CHD1: variants seen among roughly 807,000 people sequenced by gnomAD.
CHD1 encodes the protein chromodomain helicase DNA binding protein 1.
Under a neutral mutation model 224.2 loss-of-function variants are expected in CHD1, and 36 were observed. The ratio of observed to expected loss-of-function variants is 0.16; its 90% CI spans 0.12 to 0.21. CHD1 has a LOEUF of 0.21. Among genes scored for constraint, CHD1 ranks in the 10% least tolerant of loss-of-function variants. The pLI is 1.00. For synonymous variants in CHD1, 668 were observed against 658.3 expected (o/e 1.01, Z -0.23); for missense variants, 1,378 against 1,994.8 (o/e 0.69, Z 5.89).
intron 12 of CHD1, 57 bp from the exon 13 acceptor site, chr5:98,894,743 T>A: frequency 1.4e-6 from 1 of 700,204 alleles, no homozygotes. Flanking sequence ...ATTATACTTT[T>A]ACTTACATAT....
At chr5:98,876,187 G>A (rs781766792) in intron 24 of CHD1, among the ~76,000 whole-genome samples, 14 of 152,158 alleles carry the variant, frequency 9.2e-5, no homozygotes, top group African/African-American at 3.4e-4. Context: ...GCAGTTTAGC[G>A]ATAAATAAAT....
At position 98,918,310 on chromosome 5, in the gene CHD1, C is replaced by T. The variant is rs954903326; in HGVS notation, c.53+8024G>A. Among the ~76,000 whole-genome samples, 5 of 151,550 alleles carry T rather than the reference C, an allele frequency of 3.3e-5. No homozygotes were observed. The South Asian group carries it at 6.3e-4, about 19-fold the overall frequency. ...TCCTGACCTTGTGATCCACCCGACT[C>T]GGCCTCCCAAAAGTGCTGGGATTAC... On this transcript the variant is annotated intron_variant, in intron 2 of 35. Coordinates refer to ENST00000614616, the MANE Select transcript of CHD1 (RefSeq NM_001270.4).
chr5:98,857,311 T>C lies in CHD1; in HGVS notation c.4788-586A>G, dbSNP rs375759692. Among the ~76,000 whole-genome samples the C allele has an allele frequency of 7.9e-5, 12 of 152,242 alleles. No individual in the cohort carries two copies. The East Asian group carries it at 1.9e-3, about 24-fold the overall frequency. On this transcript the variant is annotated intron_variant, in intron 35 of 35. Transcript: ENST00000614616. The stretch of plus-strand genomic sequence containing the variant: ...TGGCAGTTTAATGAGAATTATTCTC[T>C]AAAATGAGTGCCTTTTCCAAACTGA...
Position 98,854,488 on chromosome 5 carries a change from A to G in CHD1, c.*1892T>C, listed in dbSNP as rs191714851. 7.9e-5 allele frequency: 12 copies of G among 152,216 alleles called. No homozygotes were observed. Among genetic ancestry groups the G allele is most frequent in the Non-Finnish European group, 1.6e-4 (11 of 67,950 alleles). 9.4% of individuals were successfully genotyped at this position (152,216 alleles called of 1,614,324 possible). ...TACTAAATGTAGAGAAAAGTGATAA[A>G]AGTTTCAAAAATGTGTGCCAGGACT... On this transcript the variant is annotated 3_prime_UTR_variant, in exon 36 of 36. Transcript: ENST00000614616.
chr5:98,886,090 G>A lies in CHD1; in HGVS notation c.2497-441C>T, dbSNP rs545756163. The A allele has an allele frequency of 1.5e-3, 237 of 154,708 alleles. 1 individual carries two copies. The highest frequency in any genetic ancestry group is 2.8e-3 in the South Asian group (14 of 4,982). 9.6% of individuals were successfully genotyped at this position (154,708 alleles called of 1,614,324 possible). A position where few individuals can be genotyped will look rare whatever the true frequency, so the allele number is the denominator to read the frequency against. ...TTTAAAAACACTGATTAAGTCCAGC[G>A]TGGTTACTAGAACAGCATTAGTGTC... On this transcript the variant is annotated intron_variant, in intron 17 of 35. Transcript: ENST00000614616.
Position 98,856,249 on chromosome 5 carries a change from G to A in CHD1, c.*131C>T, listed in dbSNP as rs1285161751. 1 of 651,186 alleles carries A rather than the reference G, an allele frequency of 1.5e-6. No homozygotes were observed. The highest frequency in any genetic ancestry group is 2.0e-5 in the South Asian group (1 of 49,684). The allele number at this position is 651,186 out of a possible 1,614,324, so 40.3% of individuals were successfully genotyped here. ...GTTGGGATAATAGACCTTGCATCCTGGAAAGAAGTAACAATACTGCTACTG... is the reference window on the plus strand; with the variant it reads ...GTTGGGATAATAGACCTTGCATCCTAGAAAGAAGTAACAATACTGCTACTG... On this transcript the variant is annotated 3_prime_UTR_variant, in exon 36 of 36. Transcript: ENST00000614616.
intron 35 of CHD1, among the ~76,000 whole-genome samples, chr5:98,857,221 C>T (rs562738563): frequency 6.6e-6 from 1 of 152,148 alleles, no homozygotes; most frequent in Non-Finnish European, 1.5e-5. Flanking sequence ...TAGTAAGACT[C>T]GACACATGAA....
At position 98,898,309 on chromosome 5, in the gene CHD1, C is replaced by T; in HGVS notation, c.1312G>A (p.Asp438Asn). Residue 438 changes from aspartate to asparagine, a missense_variant, in exon 10 of 36, where the codon GAT (aspartate) becomes AAT (asparagine). Physicochemically the swap from Asp to Asn is conservative, Grantham distance 23 (BLOSUM62 1). This residue lies in a region of CHD1 where 86 missense variants were observed against 97.7 expected (regional missense o/e 0.88). Coordinates refer to ENST00000614616, the MANE Select transcript of CHD1 (RefSeq NM_001270.4). Reference protein sequence around the residue: ...LISKKFQACIDEYFSRNQSKT... With the variant: ...LISKKFQACINEYFSRNQSKT... Reference sequence around the variant, plus strand: ...GATTGGTTCCTGCTAAAATACTCATCAATGCATGCTTGAAACTTTTTGGAA... The same window carrying T: ...GATTGGTTCCTGCTAAAATACTCATTAATGCATGCTTGAAACTTTTTGGAA... 1 of 1,595,014 alleles carries T rather than the reference C, an allele frequency of 6.3e-7. No individual in the cohort carries two copies. The highest frequency in any genetic ancestry group is 8.5e-7 in the Non-Finnish European group (1 of 1,171,380).
intron 16 of CHD1, 42 bp from the exon 17 acceptor site, chr5:98,888,282 A>G (rs762561019): frequency 1.4e-6 from 2 of 1,447,218 alleles, no homozygotes; most frequent in African/African-American, 1.4e-5. Flanking sequence ...AAAGACATAA[A>G]TGGTAAGTTG....
At position 98,901,294 on chromosome 5, in the gene CHD1, G is replaced by C. The variant is rs754277241; in HGVS notation, c.479C>G (p.Ser160Cys). The change falls in exon 6 of 36, where the codon TCT (serine) becomes TGT (cysteine). Residue 160 changes from serine (S) to cysteine (C), a missense_variant. By Grantham distance (112) the Ser-to-Cys change is moderately radical (BLOSUM62 -1). This residue lies in a region of CHD1 where 306 missense variants were observed against 298.1 expected (regional missense o/e 1.03). Coordinates refer to ENST00000614616, the MANE Select transcript of CHD1 (RefSeq NM_001270.4). The stretch of plus-strand genomic sequence containing the variant: ...TTCTTCAGATTCTGAATCTGAACCA[G>C]ACTGAGATGGAGATCCTGACCCAGA... ...QMSGSGSPSQ[S>C]GSDSESEEER... 7.4e-6 allele frequency: 12 copies of C among 1,613,158 alleles called. No individual in the cohort carries two copies. In the South Asian group the frequency reaches 1.3e-4, roughly 18 times the overall value.
chr5:98,890,586 G>T (rs974958458), intron 15 of CHD1, among the ~76,000 whole-genome samples: 2 of 152,114 alleles, frequency 1.3e-5, no homozygotes, highest in African/African-American at 4.8e-5. Context: ...AATTACAGGT[G>T]AATGTGTCTT....
intron 1 of CHD1, 53 bp from the exon 2 acceptor site, chr5:98,926,587 A>G: frequency 2.7e-6 from 1 of 373,414 alleles, no homozygotes; most frequent in Non-Finnish European, 4.7e-6. Flanking sequence ...AAAAAGGTAA[A>G]TTAAGCCCTG....
At chr5:98,857,664 TG>T (rs1215984323) in intron 35 of CHD1, among the ~76,000 whole-genome samples, 4 of 152,222 alleles carry the variant, frequency 2.6e-5, no homozygotes, top group Admixed American at 2.6e-4. Context: ...ACACTGAGGT[TG>T]CTTACTGTTC....
intron 22 of CHD1, among the ~76,000 whole-genome samples, chr5:98,880,855 A>G (rs994625784): frequency 6.6e-6 from 1 of 152,232 alleles, no homozygotes; most frequent in Non-Finnish European, 1.5e-5. Context: ...GCTAATTAGG[A>G]AACAACAGCT....
chr5:98,858,388 C>G lies in CHD1; in HGVS notation c.4579G>C (p.Val1527Leu), dbSNP rs573978009. The change falls in exon 35 of 36, where the codon GTG (valine) becomes CTG (leucine). Residue 1527 changes from valine (V) to leucine (L), a missense_variant and splice_region_variant. Transcript: ENST00000614616. ...TTTGTATTCTCTTTTAATCTTTCCACATCTGTTAGATAAGTACAACTTTTA... is the reference window on the plus strand; with the variant it reads ...TTTGTATTCTCTTTTAATCTTTCCAGATCTGTTAGATAAGTACAACTTTTA... ...LNPHVIRNPD[V>L]ERLKENTNHD... 5 of 1,609,896 alleles carry G rather than the reference C, an allele frequency of 3.1e-6. No individual in the cohort carries two copies. In the East Asian group the frequency reaches 1.1e-4, roughly 36 times the overall value.
At chr5:98,863,254 C>A (rs1454796786) in intron 32 of CHD1, among the ~76,000 whole-genome samples, 154 bp downstream of exon 32, 2 of 150,050 alleles carry the variant, frequency 1.3e-5, no homozygotes, top group African/African-American at 4.9e-5. Context: ...AAAAATTTAA[C>A]ATTAAAGGGA....
At chr5:98,878,133 C>G (rs1245117904) in intron 23 of CHD1, among the ~76,000 whole-genome samples, 1 of 152,190 alleles carries the variant, frequency 6.6e-6, no homozygotes, top group African/African-American at 2.4e-5. Context: ...CAGGACCTAA[C>G]AGCCAAAACT....
At chr5:98,891,761 A>C (rs761617753) in intron 15 of CHD1, among the ~76,000 whole-genome samples, 126 of 152,330 alleles carry the variant, frequency 8.3e-4, no homozygotes, top group Non-Finnish European at 1.3e-3. Flanking sequence ...CAGTGAGCCA[A>C]GATTGTGCCA....
At position 98,902,993 on chromosome 5, in the gene CHD1, T is replaced by C. The variant is rs780670844; in HGVS notation, c.373-29A>G. ...TAGAAAAGAAATAAAGTCAGTATCA[T>C]CCACTAATGATTAGAATTTAACCAT... On this transcript the variant is annotated intron_variant, in intron 4 of 35. Transcript: ENST00000614616. 3.8e-6 allele frequency: 5 copies of C among 1,330,232 alleles called. No individual in the cohort carries two copies. In the African/African-American group the frequency reaches 5.8e-5, roughly 16 times the overall value. The allele number at this position is 1,330,232 out of a possible 1,614,324, so 82.4% of individuals were successfully genotyped here.
Sources: allele counts gnomAD v4.1 joint callset (sites outside exome capture counted in the v4.1 genomes callset), GRCh38; gene constraint gnomAD v4.1.1; regional missense constraint gnomAD v4.1.1; transcripts MANE v1.5; gene names NCBI Gene and HGNC (gene_info 2026-07-23, HGNC 2026-07-21).